BBS9: variants seen among roughly 807,000 people sequenced by gnomAD.
BBS9 encodes the protein protein PTHB1.
In BBS9, 89 loss-of-function variants were observed where a neutral mutation model predicts 117.7. That is an observed-to-expected ratio of 0.76 (90% CI 0.64 to 0.90). The LOEUF (loss-of-function observed/expected upper bound fraction) is 0.90. Among genes scored for constraint, BBS9 ranks in the 40% least tolerant of loss-of-function variants. BBS9 has a pLI of 0.00. For synonymous variants in BBS9, 379 were observed against 370.9 expected (o/e 1.02, Z -0.25); for missense variants, 982 against 1,042.2 (o/e 0.94, Z 0.80).
chr7:33,146,634 G>T (rs766366676), intron 2 of BBS9, among the ~76,000 whole-genome samples: 1 of 150,470 alleles, frequency 6.6e-6, no homozygotes, highest in Non-Finnish European at 1.5e-5. Flanking sequence ...AGAAGGCAGA[G>T]GTTGCGGTGA....
chr7:33,623,314 G>C (rs1348479425), intron 21 of BBS9, among the ~76,000 whole-genome samples: 1 of 152,004 alleles, frequency 6.6e-6, no homozygotes, highest in Non-Finnish European at 1.5e-5. Flanking sequence ...AGTAATTGAG[G>C]AAATGCAAAT....
chr7:33,196,587 A>C (rs10486519), intron 5 of BBS9, among the ~76,000 whole-genome samples: 1 of 152,014 alleles, frequency 6.6e-6, no homozygotes, highest in Non-Finnish European at 1.5e-5. Flanking sequence ...TTATTTTCTC[A>C]TACATGTGGT....
chr7:33,535,297 G>C (rs1851207673), intron 21 of BBS9, among the ~76,000 whole-genome samples: 1 of 152,104 alleles, frequency 6.6e-6, no homozygotes, highest in Non-Finnish European at 1.5e-5. Flanking sequence ...AGTTTATCAA[G>C]CACCTAGCAC....
intron 19 of BBS9, among the ~76,000 whole-genome samples, chr7:33,504,993 G>A (rs998532258): frequency 6.6e-6 from 1 of 151,896 alleles, no homozygotes; most frequent in South Asian, 2.1e-4. Flanking sequence ...ATACCATGTA[G>A]CATCTAAAGA....
At chr7:33,149,429 C>T (rs1792952674) in intron 2 of BBS9, among the ~76,000 whole-genome samples, 2 of 148,564 alleles carry the variant, frequency 1.3e-5, no homozygotes, top group Non-Finnish European at 1.5e-5. Context: ...TAGAAGAAGC[C>T]GAGTAAAACA....
intron 19 of BBS9, among the ~76,000 whole-genome samples, chr7:33,482,208 G>A (rs1842597331): frequency 6.6e-6 from 1 of 152,098 alleles, no homozygotes; most frequent in South Asian, 2.1e-4. Flanking sequence ...GACTGATAAA[G>A]CAAGAATTAG....
chr7:33,301,297 A>G (rs1372075436), intron 9 of BBS9, among the ~76,000 whole-genome samples: 3 of 151,992 alleles, frequency 2.0e-5, no homozygotes, highest in African/African-American at 7.2e-5. Context: ...ATTCTTAATT[A>G]TTTTTAAATA....
At position 33,367,859 on chromosome 7, in the gene BBS9, T is replaced by G; in HGVS notation, c.1786T>G (p.Ser596Ala). The change falls in exon 17 of 23, where the codon TCT becomes GCT. Residue 596 changes from serine (S) to alanine (A), a missense_variant. Ser to Ala is a moderately conservative substitution (Grantham distance 99). Transcript: ENST00000242067. Reference sequence around the variant, plus strand: ...AATTACTGTTCTTGCTTCCAAAACTTCTCGTAAGTAAAACCATGTTATCAT... The same window carrying G: ...AATTACTGTTCTTGCTTCCAAAACTGCTCGTAAGTAAAACCATGTTATCAT... ...ARITVLASKT[S>A]QRYRIQSEQF... is the part of the protein sequence containing the mutation. 1 of 1,613,542 alleles carries G rather than the reference T, an allele frequency of 6.2e-7. No individual in the cohort carries two copies. Among genetic ancestry groups the G allele is most frequent in the Admixed American group, 1.7e-5 (1 of 60,014 alleles).
intron 19 of BBS9, among the ~76,000 whole-genome samples, chr7:33,391,060 G>A (rs1826990181): frequency 6.6e-6 from 1 of 152,180 alleles, no homozygotes. Context: ...TAGTTTTAAT[G>A]TTGAGTCTAA....
intron 9 of BBS9, among the ~76,000 whole-genome samples, chr7:33,306,482 G>A (rs1018823640): frequency 6.6e-6 from 1 of 152,034 alleles, no homozygotes; most frequent in Non-Finnish European, 1.5e-5. Flanking sequence ...TAAAATATGA[G>A]TCTTTTACAA....
At chr7:33,560,754 TC>T in intron 21 of BBS9, among the ~76,000 whole-genome samples, 1 of 152,150 alleles carries the variant, frequency 6.6e-6, no homozygotes, top group Admixed American at 6.5e-5. Context: ...TTCTTAAGCA[TC>T]TCTAGGGATA....
At chr7:33,354,831 G>A (rs1010780396) in intron 15 of BBS9, among the ~76,000 whole-genome samples, 20 of 151,922 alleles carry the variant, frequency 1.3e-4, no homozygotes, top group African/African-American at 4.8e-4. Flanking sequence ...AAATAATTTT[G>A]TGATTAATTG....
intron 21 of BBS9, among the ~76,000 whole-genome samples, chr7:33,596,779 T>C (rs1020183989): frequency 2.0e-5 from 3 of 152,180 alleles, no homozygotes; most frequent in African/African-American, 7.2e-5. Context: ...AAATATGTTA[T>C]GATCCATTCT....
chr7:33,514,406 A>C (rs1163092492), intron 20 of BBS9, among the ~76,000 whole-genome samples: 1 of 152,136 alleles, frequency 6.6e-6, no homozygotes, highest in African/African-American at 2.4e-5. Context: ...CTTTCTCATC[A>C]AGGGGTGACT....
chr7:33,529,642 C>T (rs949545537), intron 20 of BBS9, among the ~76,000 whole-genome samples: 5 of 151,948 alleles, frequency 3.3e-5, no homozygotes, highest in African/African-American at 9.7e-5. Flanking sequence ...CCCCAGTTGC[C>T]TCCCACTCCC....
chr7:33,163,606 G>GT lies in BBS9; in HGVS notation c.328+7911dup, dbSNP rs549663275. Among the ~76,000 whole-genome samples the GT allele has an allele frequency of 1.3e-3, 193 of 152,258 alleles. 1 individual carries two copies. Among genetic ancestry groups the GT allele is most frequent in the Admixed American group, 2.6e-3 (40 of 15,296 alleles). ...TTATCCATTTCTTCTAGATTTTCTAGTTTTTTTGCATAGAGGTGTTTATAG... is the reference window on the plus strand; with the variant it reads ...TTATCCATTTCTTCTAGATTTTCTAGTTTTTTTTGCATAGAGGTGTTTATAG... On this transcript the variant is annotated intron_variant, in intron 4 of 22. Transcript: ENST00000242067.
chr7:33,260,482 C>A (rs1294746196), intron 6 of BBS9, among the ~76,000 whole-genome samples: 1 of 152,092 alleles, frequency 6.6e-6, no homozygotes. Flanking sequence ...TCATGTATTG[C>A]CTTCTTGTAC....
In BBS9 at chr7:33,604,750, G is replaced by A. The variant is rs1016790900; in HGVS notation, c.2522-115G>A. Reference sequence around the variant, plus strand: ...TCTTTTCAGGCCACTCCTGAAGATTGTTGTCACGTCATTTATTATCTTTAT... The same window carrying A: ...TCTTTTCAGGCCACTCCTGAAGATTATTGTCACGTCATTTATTATCTTTAT... On this transcript the variant is annotated intron_variant, in intron 21 of 22. Coordinates refer to ENST00000242067, the MANE Select transcript of BBS9 (RefSeq NM_198428.3). 8.1e-5 allele frequency: 64 copies of A among 788,894 alleles called. No individual in the cohort carries two copies. The Middle Eastern group carries it at 1.0e-3, about 13-fold the overall frequency. The allele number at this position is 788,894 out of a possible 1,614,324, so 48.9% of individuals were successfully genotyped here.
intron 21 of BBS9, among the ~76,000 whole-genome samples, chr7:33,633,510 C>CTTTCT (rs1562547870): frequency 3.0e-5 from 3 of 98,460 alleles, no homozygotes; most frequent in Non-Finnish European, 4.1e-5. Context: ...TAACTTTTTT[C>CTTTCT]TTTTTTTTTT....
Sources: gnomAD v4.1 joint callset for allele counts (sites outside exome capture counted in the v4.1 genomes callset) on GRCh38, gnomAD v4.1.1 for gene constraint, MANE v1.5 for transcripts, NCBI Gene and HGNC (gene_info 2026-07-23, HGNC 2026-07-21) for gene names.